Variants in TJP3 observed in about 807,000 individuals in gnomAD.
The protein encoded by TJP3 is tight junction protein 3, also known as tight junction protein ZO-3.
Under a neutral mutation model 104.2 loss-of-function variants are expected in TJP3, and 85 were observed. The observed-to-expected ratio is 0.82, with a 90% CI of 0.68 to 0.98. The LOEUF is 0.98. Among genes scored for constraint, TJP3 ranks in the 50% least tolerant of loss-of-function variants. The pLI is 0.00. For synonymous variants in TJP3, 550 were observed against 550.6 expected (o/e 1.00, Z 0.02); for missense variants, 1,367 against 1,322.8 (o/e 1.03, Z -0.52).
intron 10 of TJP3, 67 bp downstream of exon 10, chr19:3,736,002 C>T (rs1318797975): frequency 3.5e-5 from 56 of 1,598,188 alleles, no homozygotes; most frequent in East Asian, 6.7e-5. Context: ...CCCTCATCAG[C>T]GCAATCCTGC....
chr19:3,717,220 C>A (rs1193319039), intron 1 of TJP3, among the ~76,000 whole-genome samples: 1 of 146,480 alleles, frequency 6.8e-6, no homozygotes, highest in Admixed American at 7.0e-5. Context: ...CCGCCTCGAC[C>A]TCCCAAAGTG....
chr19:3,713,931 T>A (rs1436956355), intron 1 of TJP3, among the ~76,000 whole-genome samples: 3 of 151,682 alleles, frequency 2.0e-5, no homozygotes, highest in Admixed American at 6.6e-5. Flanking sequence ...TTCACCGTGT[T>A]GGCCAGGATG....
intron 13 of TJP3, among the ~76,000 whole-genome samples, chr19:3,740,063 C>T (rs1169810559): frequency 4.6e-5 from 7 of 152,088 alleles, no homozygotes; most frequent in Non-Finnish European, 8.8e-5. Flanking sequence ...GAAACCCCAT[C>T]CCTACTAAAA....
intron 15 of TJP3, among the ~76,000 whole-genome samples, chr19:3,744,331 C>T (rs1377351609): frequency 6.6e-6 from 1 of 152,140 alleles, no homozygotes; most frequent in Non-Finnish European, 1.5e-5. Flanking sequence ...GCAGTGAACA[C>T]GACAGGCAAG....
intron 8 of TJP3, 102 bp downstream of exon 8, chr19:3,734,537 G>A (rs1291237132): frequency 1.9e-6 from 2 of 1,040,402 alleles, no homozygotes; most frequent in Middle Eastern, 2.3e-4. Flanking sequence ...TAACCTTGAG[G>A]ACGCAGTCCT....
intron 1 of TJP3, among the ~76,000 whole-genome samples, chr19:3,727,757 CGTG>C (rs1274794822): frequency 6.6e-6 from 1 of 151,714 alleles, no homozygotes; most frequent in Non-Finnish European, 1.5e-5. Flanking sequence ...ATTAGCCTGG[CGTG>C]GTGGTGGGCA....
rs180935622 is a variant in TJP3 at position 3,718,715 on chromosome 19, C to T, written c.-9-9709C>T. On this transcript the variant is annotated intron_variant, in intron 1 of 20. Coordinates refer to ENST00000541714, the MANE Select transcript of TJP3 (RefSeq NM_001267560.2). ...AACTCCTGACCTCAGGTGATCTGCCCGAATGCAGGATTTTCTACCAGCTCC... is the reference window on the plus strand; with the variant it reads ...AACTCCTGACCTCAGGTGATCTGCCTGAATGCAGGATTTTCTACCAGCTCC... Among the ~76,000 whole-genome samples the T allele has an allele frequency of 6.6e-5, 10 of 151,440 alleles. 1 individual carries two copies. Among genetic ancestry groups the T allele is most frequent in the Admixed American group, 3.3e-4 (5 of 15,144 alleles).
At chr19:3,724,510 AGT>A (rs894922675) in intron 1 of TJP3, among the ~76,000 whole-genome samples, 5 of 151,486 alleles carry the variant, frequency 3.3e-5, no homozygotes, top group Non-Finnish European at 7.4e-5. Flanking sequence ...TGTCTCTTAA[AGT>A]CAGGAAATAC....
chr19:3,733,920 C>T lies in TJP3; in HGVS notation c.877+8C>T. On this transcript the variant is annotated splice_region_variant and intron_variant, in intron 7 of 20. Coordinates refer to ENST00000541714, the MANE Select transcript of TJP3 (RefSeq NM_001267560.2). ...ACAGCTCGCCATTGGAGGGTGAGGA[C>T]CTAGAGGTTAGGACCTGGGAGGGGG... is the stretch of plus-strand genomic sequence containing the variant. 5.6e-6 allele frequency: 9 copies of T among 1,613,222 alleles called. No homozygotes were observed. The highest frequency in any genetic ancestry group is 6.8e-6 in the Non-Finnish European group (8 of 1,179,570).
In TJP3 at chr19:3,750,647, A is replaced by T; in HGVS notation, c.2723A>T (p.Glu908Val). The change falls in exon 21 of 21, where the codon GAA becomes GTA. Residue 908 changes from glutamate (E) to valine (V), a missense_variant. Coordinates refer to ENST00000541714, the MANE Select transcript of TJP3 (RefSeq NM_001267560.2). ...MRVHDAESSD[E>V]DGYDWGPATD... ...GTACATGATGCGGAGTCCTCCGATG[A>T]AGACGGCTATGACTGGGGTCCGGCC... 1 of 1,607,584 alleles carries T rather than the reference A, an allele frequency of 6.2e-7. No individual in the cohort carries two copies. Among genetic ancestry groups the T allele is most frequent in the South Asian group, 1.1e-5 (1 of 89,754 alleles).
intron 1 of TJP3, among the ~76,000 whole-genome samples, chr19:3,712,436 G>A (rs1412344772): frequency 6.6e-6 from 1 of 152,176 alleles, no homozygotes; most frequent in Non-Finnish European, 1.5e-5. Flanking sequence ...CTGGGGGCCC[G>A]AGTGGAGTTA....
At chr19:3,750,388 CTTGAAGGGCAGGATATTG>C (rs2036976463) in intron 20 of TJP3, among the ~76,000 whole-genome samples, 176 bp from the exon 21 acceptor site, 2 of 152,120 alleles carry the variant, frequency 1.3e-5, no homozygotes, top group Admixed American at 6.5e-5. Context: ...AGGAAGGCTT[CTTGAAGGGCAGGATATTG>C]CAGCTGGGGC....
intron 1 of TJP3, chr19:3,721,908 C>T: frequency 8.1e-7 from 1 of 1,228,416 alleles, no homozygotes; most frequent in Non-Finnish European, 1.0e-6. Context: ...GGTGAGATTC[C>T]AGGCGAGTAA....
At chr19:3,716,799 ATATTTTTT>A (rs2036481576) in intron 1 of TJP3, among the ~76,000 whole-genome samples, 2 of 73,080 alleles carry the variant, frequency 2.7e-5, no homozygotes, top group African/African-American at 9.5e-5. Context: ...ATATATATAT[ATATTTTTT>A]TTTTTTTTTT....
At chr19:3,719,446 G>A (rs2145669247) in intron 1 of TJP3, among the ~76,000 whole-genome samples, 1 of 152,048 alleles carries the variant, frequency 6.6e-6, no homozygotes, top group East Asian at 1.9e-4. Flanking sequence ...AAATATGTGT[G>A]TGTGTGTGGC....
chr19:3,738,400 A>G lies in TJP3; in HGVS notation c.1285-155A>G, dbSNP rs2036765905. Among the ~76,000 whole-genome samples, 3 of 152,230 alleles carry G rather than the reference A, an allele frequency of 2.0e-5. No individual in the cohort carries two copies. In the South Asian group the frequency reaches 6.2e-4, roughly 32 times the overall value. ...ACACATCACACAGCCATAGGGTGAT[A>G]CCCCAGTCGGAAAGCCCTCGGGGAA... On this transcript the variant is annotated intron_variant, in intron 11 of 20. Transcript: ENST00000541714.
chr19:3,723,549 T>A (rs2036564641), intron 1 of TJP3, among the ~76,000 whole-genome samples: 1 of 152,074 alleles, frequency 6.6e-6, no homozygotes, highest in Non-Finnish European at 1.5e-5. Context: ...CCCAGCACTT[T>A]GGGAGGCTGA....
intron 14 of TJP3, 158 bp from the exon 15 acceptor site, chr19:3,743,781 T>C (rs184497689): frequency 1.6e-6 from 1 of 630,184 alleles, no homozygotes; most frequent in Non-Finnish European, 2.8e-6. Flanking sequence ...CTAACCTAGC[T>C]GCAAAGGACA....
chr19:3,722,863 G>C (rs1415164806), intron 1 of TJP3, among the ~76,000 whole-genome samples: 3 of 126,722 alleles, frequency 2.4e-5, no homozygotes, highest in African/African-American at 3.2e-5. Flanking sequence ...TGGCGGGGGG[G>C]GGGGGCACAG....
Sources: allele counts gnomAD v4.1 joint callset (sites outside exome capture counted in the v4.1 genomes callset), GRCh38; gene constraint gnomAD v4.1.1; transcripts MANE v1.5; gene names NCBI Gene and HGNC (gene_info 2026-07-23, HGNC 2026-07-21).